The following SLC9B1 variants were observed in gnomAD, a reference collection of about 807,000 sequenced individuals.
SLC9B1 encodes sodium/hydrogen exchanger 9B1.
SLC9B1 carries 32 observed loss-of-function variants against 51.7 expected under a neutral mutation model. The ratio of observed to expected loss-of-function variants is 0.62; its 90% CI spans 0.47 to 0.83. SLC9B1 has a LOEUF of 0.83. Among genes scored for constraint, SLC9B1 ranks in the 40% least tolerant of loss-of-function variants. SLC9B1 has a pLI of 0.00. For synonymous variants in SLC9B1, 145 were observed against 212.7 expected, an observed-to-expected ratio of 0.68 and a Z score of 2.77; for missense variants, 406 against 613.2, an observed-to-expected ratio of 0.66 and a Z score of 3.57.
chr4:102,931,961 A>AAAT (rs1364361482), intron 7 of SLC9B1, among the ~76,000 whole-genome samples, 163 bp downstream of exon 7: 1 of 152,254 alleles, frequency 6.6e-6, no homozygotes, highest in East Asian at 1.9e-4. Flanking sequence ...TAAGCCACTG[A>AAAT]AATATCTTCC....
chr4:103,004,948 A>G (rs1330408553), intron 1 of SLC9B1, among the ~76,000 whole-genome samples: 2 of 152,204 alleles, frequency 1.3e-5, no homozygotes, highest in Non-Finnish European at 2.9e-5. Context: ...CTAAACATAG[A>G]AATTAAAGAC....
intron 7 of SLC9B1, among the ~76,000 whole-genome samples, chr4:102,925,699 C>CAAAAAAAAAAAAA (rs3974607): frequency 5.1e-5 from 7 of 137,344 alleles, no homozygotes; most frequent in African/African-American, 8.2e-5. Context: ...TTCTTTTGTC[C>CAAAAAAAAAAAAA]AAAAAAAAAA....
intron 1 of SLC9B1, among the ~76,000 whole-genome samples, chr4:102,998,622 C>A (rs568250356): frequency 4.3e-4 from 64 of 149,608 alleles, no homozygotes; most frequent in Admixed American, 3.5e-3. Context: ...TTTTTCACAG[C>A]AGGTACATCA....
At chr4:102,963,432 G>A (rs1271701338) in intron 3 of SLC9B1, 1 of 189,800 alleles carries the variant, frequency 5.3e-6, no homozygotes, top group Non-Finnish European at 1.1e-5. Flanking sequence ...TGGTGTTGAT[G>A]TCTGAGCAGC....
chr4:102,891,916 G>A (rs1438305443), intron 11 of SLC9B1: 1 of 152,172 alleles, frequency 6.6e-6, no homozygotes, highest in Non-Finnish European at 1.5e-5. Context: ...CACAGAGGTT[G>A]GAGTATAGAA....
chr4:102,926,748 G>A (rs28811632), intron 7 of SLC9B1, among the ~76,000 whole-genome samples: 87,422 of 150,848 alleles, frequency 0.58, 26,408 homozygotes, highest in African/African-American at 0.78. Context: ...AAAAAAAACT[G>A]CTTTAAAGTT....
At chr4:102,999,112 G>C (rs2110527628) in intron 1 of SLC9B1, among the ~76,000 whole-genome samples, 1 of 152,286 alleles carries the variant, frequency 6.6e-6, no homozygotes, top group South Asian at 2.1e-4. Context: ...ATGGGCATGA[G>C]CTATTGTACC....
intron 7 of SLC9B1, chr4:102,911,900 A>C: frequency 5.3e-6 from 1 of 187,212 alleles, no homozygotes; most frequent in Non-Finnish European, 1.1e-5. Context: ...TGGGAGGCTG[A>C]GGAGGGTGGA....
rs1287882404 is a variant in SLC9B1 at position 102,905,414 on chromosome 4, G to C, written c.1332+100C>G. 3.4e-6 allele frequency: 4 copies of C among 1,175,730 alleles called. No homozygotes were observed. The African/African-American group carries it at 4.7e-5, about 14-fold the overall frequency. The allele number at this position is 1,175,730 out of a possible 1,614,324, so 72.8% of individuals were successfully genotyped here. A position where few individuals can be genotyped will look rare whatever the true frequency, so the allele number is the denominator to read the frequency against. On this transcript the variant is annotated intron_variant, in intron 11 of 11. Transcript: ENST00000296422. ...ATCAATCAAACATTTAAAAAGTAAGGATAATAGCTCATATTTTGTGACTAG... is the reference window on the plus strand; with the variant it reads ...ATCAATCAAACATTTAAAAAGTAAGCATAATAGCTCATATTTTGTGACTAG...
chr4:102,974,679 C>T (rs189708049), intron 3 of SLC9B1, among the ~76,000 whole-genome samples: 1,559 of 152,094 alleles, frequency 0.01, 32 homozygotes, highest in African/African-American at 0.035. Flanking sequence ...CAGAAAACAC[C>T]CACTAGTATG....
chr4:102,939,099 G>A (rs1418779265), intron 6 of SLC9B1, among the ~76,000 whole-genome samples: 2 of 150,142 alleles, frequency 1.3e-5, no homozygotes, highest in East Asian at 1.9e-4. Context: ...CTGGTTCTTC[G>A]AGAGAATAAA....
chr4:102,993,143 C>T (rs1192551065), intron 1 of SLC9B1, among the ~76,000 whole-genome samples: 1 of 152,140 alleles, frequency 6.6e-6, no homozygotes, highest in Admixed American at 6.5e-5. Context: ...TATGCCTTTC[C>T]AACAGTCCCC....
At chr4:102,967,699 G>T (rs556134042) in intron 3 of SLC9B1, among the ~76,000 whole-genome samples, 1 of 152,124 alleles carries the variant, frequency 6.6e-6, no homozygotes, top group African/African-American at 2.4e-5. Context: ...GCCCACAAAA[G>T]AAAAGCTCCC....
chr4:102,965,043 A>G (rs1416100705), intron 3 of SLC9B1, among the ~76,000 whole-genome samples: 1 of 152,162 alleles, frequency 6.6e-6, no homozygotes, highest in East Asian at 1.9e-4. Flanking sequence ...CAGACTTACT[A>G]GAACTAAGAG....
chr4:102,937,487 G>A (rs1194320428), intron 6 of SLC9B1, among the ~76,000 whole-genome samples: 1 of 149,564 alleles, frequency 6.7e-6, no homozygotes, highest in African/African-American at 2.4e-5. Flanking sequence ...AGCACTTTGG[G>A]AGGCTGAGGG....
At position 102,906,517 on chromosome 4, in the gene SLC9B1, G is replaced by A. The variant is rs542690216; in HGVS notation, c.1195+19C>T. 23 of 1,193,696 alleles carry A rather than the reference G, an allele frequency of 1.9e-5. 1 individual carries two copies. The Admixed American group carries it at 3.2e-4, about 17-fold the overall frequency. The allele number at this position is 1,193,696 out of a possible 1,614,324, so 73.9% of individuals were successfully genotyped here. A position where few individuals can be genotyped will look rare whatever the true frequency, so the allele number is the denominator to read the frequency against. The stretch of plus-strand genomic sequence containing the variant: ...AATATTTTTGAATTTCATATTTTTT[G>A]TGCTCTAATTATTCTTACCAACAAT... On this transcript the variant is annotated intron_variant, in intron 10 of 11. Transcript: ENST00000296422.
chr4:102,926,859 G>T (rs1316315707), intron 7 of SLC9B1, among the ~76,000 whole-genome samples: 3 of 152,170 alleles, frequency 2.0e-5, no homozygotes, highest in African/African-American at 7.2e-5. Context: ...GTACTACAAG[G>T]CTGCACTAAC....
At chr4:102,945,012 T>C (rs1191860476) in intron 6 of SLC9B1, among the ~76,000 whole-genome samples, 181 bp downstream of exon 6, 1 of 152,178 alleles carries the variant, frequency 6.6e-6, no homozygotes, top group African/African-American at 2.4e-5. Flanking sequence ...TGAATGTTTG[T>C]TAAAAAAATT....
intron 8 of SLC9B1, 26 bp downstream of exon 8, chr4:102,911,405 T>C (rs758296516): frequency 1.2e-5 from 18 of 1,489,830 alleles, no homozygotes; most frequent in Non-Finnish European, 1.7e-5. Flanking sequence ...AATACTATAC[T>C]TCTATAAAAT....
Sources: gnomAD v4.1 joint callset for allele counts (sites outside exome capture counted in the v4.1 genomes callset) on GRCh38, gnomAD v4.1.1 for gene constraint, MANE v1.5 for transcripts, NCBI Gene and HGNC (gene_info 2026-07-23, HGNC 2026-07-21) for gene names.